The following BDP1 variants were observed in gnomAD, a reference collection of about 807,000 sequenced individuals.
BDP1 encodes transcription factor TFIIIB component B'' homolog.
BDP1 carries 169 observed loss-of-function variants against 266.6 expected under a neutral mutation model. That is an observed-to-expected ratio of 0.63 (90% CI 0.56 to 0.72). The LOEUF is 0.72. Ranked by LOEUF, BDP1 falls within the 30% of genes least tolerant of loss-of-function variation. The pLI is 0.00. For synonymous variants in BDP1, 1,090 were observed against 1,022.4 expected, an observed-to-expected ratio of 1.07 and a Z score of -1.26; for missense variants, 3,015 against 3,053.8, an observed-to-expected ratio of 0.99 and a Z score of 0.30.
rs370652759 is a variant in BDP1 at position 71,524,372 on chromosome 5, C to T, written c.5772+49C>T. ...GGTACTTTATCTTACTTGGTTTTCA[C>T]CTCTTGTTTCTTTTAGGGGATCATT... is the stretch of plus-strand genomic sequence containing the variant. On this transcript the variant is annotated intron_variant, in intron 25 of 38. Transcript: ENST00000358731. 4 of 1,499,068 alleles carry T rather than the reference C, an allele frequency of 2.7e-6. No individual in the cohort carries two copies. In the East Asian group the frequency reaches 6.8e-5, roughly 26 times the overall value. The allele number at this position is 1,499,068 out of a possible 1,614,324, so 92.9% of individuals were successfully genotyped here.
At chr5:71,460,379 CA>C (rs946210293) in intron 2 of BDP1, among the ~76,000 whole-genome samples, 2 of 151,490 alleles carry the variant, frequency 1.3e-5, no homozygotes, top group African/African-American at 4.9e-5. Context: ...GACTCCGTCT[CA>C]AAAAAAACCA....
chr5:71,569,766 C>A (rs2112177457), downstream of BDP1, among the ~76,000 whole-genome samples: 1 of 152,188 alleles, frequency 6.6e-6, no homozygotes, highest in Non-Finnish European at 1.5e-5. Context: ...AAAACACACA[C>A]ACTCGCAGTG....
At chr5:71,467,697 C>T (rs1334507270) in intron 6 of BDP1, among the ~76,000 whole-genome samples, 1 of 152,086 alleles carries the variant, frequency 6.6e-6, no homozygotes, top group African/African-American at 2.4e-5. Flanking sequence ...TTTTTTATAG[C>T]AACTGGGTCT....
intron 7 of BDP1, among the ~76,000 whole-genome samples, chr5:71,473,435 C>A (rs1192403204): frequency 2.0e-5 from 3 of 151,644 alleles, no homozygotes; most frequent in Non-Finnish European, 4.4e-5. Context: ...CCACCACGCC[C>A]AGCTAATTTT....
chr5:71,522,523 T>C (rs773453744), intron 23 of BDP1, 33 bp downstream of exon 23: 1 of 1,452,970 alleles, frequency 6.9e-7, no homozygotes, highest in South Asian at 1.2e-5. Flanking sequence ...AAAAAATTTT[T>C]TTTCTCAATG....
At chr5:71,552,700 A>G (rs969580827) in intron 34 of BDP1, among the ~76,000 whole-genome samples, 3 of 152,262 alleles carry the variant, frequency 2.0e-5, no homozygotes, top group Admixed American at 6.5e-5. Flanking sequence ...CGCGCCTGCA[A>G]TCGCAGGCAC....
chr5:71,492,994 C>G (rs1333716757), intron 11 of BDP1, among the ~76,000 whole-genome samples: 1 of 152,188 alleles, frequency 6.6e-6, no homozygotes, highest in African/African-American at 2.4e-5. Flanking sequence ...AATCTCTAAT[C>G]TGCTTTCTGT....
chr5:71,507,827 C>T (rs1334042808), intron 16 of BDP1, among the ~76,000 whole-genome samples: 1 of 152,116 alleles, frequency 6.6e-6, no homozygotes, highest in African/African-American at 2.4e-5. Context: ...TAAACAAGTA[C>T]AATTTGAAAA....
chr5:71,551,896 C>T (rs561903673), intron 34 of BDP1, among the ~76,000 whole-genome samples: 43 of 146,040 alleles, frequency 2.9e-4, no homozygotes, highest in Admixed American at 7.4e-4. Flanking sequence ...GCTGGCCAGG[C>T]GGGGGGCTGA....
chr5:71,481,127 T>C (rs1410003796), intron 7 of BDP1, among the ~76,000 whole-genome samples: 1 of 150,970 alleles, frequency 6.6e-6, no homozygotes, highest in African/African-American at 2.4e-5. Flanking sequence ...TGAGCTGAGA[T>C]CGCGCCACTG....
intron 7 of BDP1, among the ~76,000 whole-genome samples, chr5:71,473,747 T>C (rs966162578): frequency 1.3e-5 from 2 of 152,172 alleles, no homozygotes; most frequent in African/African-American, 2.4e-5. Flanking sequence ...GTTACATATA[T>C]GTACATGTGC....
At chr5:71,570,564 C>T (rs1352088417), downstream of BDP1, among the ~76,000 whole-genome samples, 2 of 152,224 alleles carry the variant, frequency 1.3e-5, no homozygotes, top group Admixed American at 1.3e-4. Context: ...TAACAGGAAC[C>T]TTGGGATCAA....
chr5:71,486,685 T>C (rs1220801068), intron 9 of BDP1, 58 bp downstream of exon 9: 7 of 1,378,104 alleles, frequency 5.1e-6, no homozygotes, highest in Non-Finnish European at 6.7e-6. Context: ...CTTGCAATAT[T>C]GTCCCTCAGG....
At chr5:71,501,223 T>TGGA (rs934403442) in intron 13 of BDP1, among the ~76,000 whole-genome samples, 4 of 152,208 alleles carry the variant, frequency 2.6e-5, no homozygotes, top group Admixed American at 2.0e-4. Flanking sequence ...TCACCCAGGC[T>TGGA]GGAGTATAGT....
Position 71,491,071 on chromosome 5 carries a change from T to C in BDP1, c.1580T>C (p.Ile527Thr). The C allele has an allele frequency of 6.2e-7, 1 of 1,614,102 alleles. No individual in the cohort carries two copies. ...TCCTGCACACAAAACATAGATGGCA[T>C]TGTGGGTTTTGCCTCCACTGAAAAA... is the stretch of plus-strand genomic sequence containing the variant. ...MLSCTQNIDG[I>T]VGFASTEKVE... Residue 527 changes from isoleucine to threonine, a missense_variant, in exon 11 of 39, where the codon ATT (isoleucine) becomes ACT (threonine). By Grantham distance (89) the Ile-to-Thr change is moderately conservative (BLOSUM62 -1). Transcript: ENST00000358731.
At chr5:71,466,355 G>T in intron 5 of BDP1, 134 bp downstream of exon 5, 1 of 965,652 alleles carries the variant, frequency 1.0e-6, no homozygotes, top group Non-Finnish European at 1.5e-6. Flanking sequence ...AATGAATATT[G>T]TAAATAGAAA....
chr5:71,545,524 A>T, intron 32 of BDP1: 1 of 322,846 alleles, frequency 3.1e-6, no homozygotes, highest in Non-Finnish European at 5.6e-6. Context: ...TAGAGACGGG[A>T]TTCGCCATAT....
At chr5:71,475,845 A>T (rs1165712958) in intron 7 of BDP1, 1 of 152,968 alleles carries the variant, frequency 6.5e-6, no homozygotes, top group Admixed American at 6.5e-5. Flanking sequence ...AGGAGAACTG[A>T]GGATTCATTT....
In BDP1 at chr5:71,567,293, T is replaced by C. The variant is rs1279204564; in HGVS notation, c.*2408T>C. On this transcript the variant is annotated 3_prime_UTR_variant, in exon 39 of 39. Coordinates refer to ENST00000358731, the MANE Select transcript of BDP1 (RefSeq NM_018429.3). The stretch of plus-strand genomic sequence containing the variant: ...TGTTTCTTTTTAATCTATAATGAGC[T>C]AGTTTTATGGAAAATGGAATTTCTT... 3 of 152,232 alleles carry C rather than the reference T, an allele frequency of 2.0e-5. No individual in the cohort carries two copies. Among genetic ancestry groups the C allele is most frequent in the Non-Finnish European group, 1.5e-5 (1 of 68,032 alleles). The allele number at this position is 152,232 out of a possible 1,614,324, so 9.4% of individuals were successfully genotyped here. A position where few individuals can be genotyped will look rare whatever the true frequency, so the allele number is the denominator to read the frequency against.
Sources: allele counts gnomAD v4.1 joint callset (sites outside exome capture counted in the v4.1 genomes callset), GRCh38; gene constraint gnomAD v4.1.1; transcripts MANE v1.5; gene names NCBI Gene and HGNC (gene_info 2026-07-23, HGNC 2026-07-21).